OLFM1: variants seen among roughly 807,000 people sequenced by gnomAD.
The protein encoded by OLFM1 is olfactomedin 1.
OLFM1 carries 9 observed loss-of-function variants against 49.7 expected under a neutral mutation model. The ratio of observed to expected loss-of-function variants is 0.18; its 90% CI spans 0.11 to 0.32. The LOEUF (loss-of-function observed/expected upper bound fraction) is 0.32. Ranked by LOEUF, OLFM1 falls within the 10% of genes least tolerant of loss-of-function variation. The pLI is 1.00. For missense variants in OLFM1, 369 were observed against 661.8 expected, an observed-to-expected ratio of 0.56 and a Z score of 4.85; for synonymous variants, 240 against 271.8, an observed-to-expected ratio of 0.88 and a Z score of 1.15.
At position 135,095,891 on chromosome 9, in the gene OLFM1, G is replaced by A. The variant is rs751893069; in HGVS notation, c.328G>A (p.Val110Ile). ...GCAGAACATGTCTCAATCCATAGAG[G>A]TCTTGGACAGGCGGACCCAGAGAGA... ...KVQNMSQSIEVLDRRTQRDLQ... is the reference protein window; with the variant it reads ...KVQNMSQSIEILDRRTQRDLQ... Residue 110 changes from valine to isoleucine, a missense_variant, in exon 3 of 6, where the codon GTC becomes ATC. This residue lies in a region of OLFM1 where 294 missense variants were observed against 567.5 expected (regional missense o/e 0.52). Coordinates refer to ENST00000371793, the MANE Select transcript of OLFM1 (RefSeq NM_001282611.2). The A allele has an allele frequency of 6.2e-7, 1 of 1,613,140 alleles. No individual in the cohort carries two copies. The highest frequency in any genetic ancestry group is 8.5e-7 in the Non-Finnish European group (1 of 1,179,548).
Position 135,088,019 on chromosome 9 carries a change from C to T in OLFM1, c.30C>T (p.Val10=). The change falls in exon 1 of 6, where the codon GTC becomes GTT. Residue 10 remains valine (V), a synonymous_variant. Transcript: ENST00000371793. The surrounding 1 kb of genome is among the most constrained non-coding windows in gnomAD (Gnocchi z 4.8). MSVPLLKIG[V]VLSTMAMITN... The stretch of plus-strand genomic sequence containing the variant: ...CGGTGCCGCTGCTCAAGATCGGGGT[C>T]GTGCTGAGCACCATGGCCATGATCA... 1.4e-6 allele frequency: 2 copies of T among 1,457,274 alleles called. No homozygotes were observed. Among genetic ancestry groups the T allele is most frequent in the Non-Finnish European group, 1.8e-6 (2 of 1,095,746 alleles). 90.3% of individuals were successfully genotyped at this position (1,457,274 alleles called of 1,614,324 possible). A position where few individuals can be genotyped will look rare whatever the true frequency, so the allele number is the denominator to read the frequency against.
intron 4 of OLFM1, among the ~76,000 whole-genome samples, chr9:135,101,874 G>T (rs1830875450): frequency 6.6e-6 from 1 of 152,240 alleles, no homozygotes; most frequent in Admixed American, 6.5e-5. Context: ...TGAGGGGTGA[G>T]GGGGCCAGCT....
chr9:135,079,927 G>A (rs1328458221), intron 1 of OLFM1, among the ~76,000 whole-genome samples: 1 of 152,084 alleles, frequency 6.6e-6, no homozygotes, highest in East Asian at 1.9e-4. Flanking sequence ...CTGGGTCTCG[G>A]AGTTGGGCCA....
At chr9:135,099,650 C>G (rs1830844590) in intron 4 of OLFM1, among the ~76,000 whole-genome samples, 1 of 152,232 alleles carries the variant, frequency 6.6e-6, no homozygotes, top group Admixed American at 6.5e-5. Context: ...AGTCCCGAAA[C>G]AGAGACAATA....
chr9:135,114,657 T>C (rs1831071885), intron 5 of OLFM1, among the ~76,000 whole-genome samples: 1 of 127,020 alleles, frequency 7.9e-6, no homozygotes. Context: ...TTGGTAGGTC[T>C]GGGACTGAAG....
At chr9:135,092,995 T>C (rs1317774592) in intron 2 of OLFM1, among the ~76,000 whole-genome samples, 3 of 152,160 alleles carry the variant, frequency 2.0e-5, no homozygotes, top group African/African-American at 7.2e-5. Flanking sequence ...CAGGACAGGG[T>C]GCTCCAGAAA....
chr9:135,096,037 C>G lies in OLFM1; in HGVS notation c.456+18C>G. On this transcript the variant is annotated intron_variant, in intron 3 of 5. Transcript: ENST00000371793. ...AGTTTAAGGTATGCATGTTCCTCCCCCTCTCCCTCCCCTTATCCTCCTCCT... is the reference window on the plus strand; with the variant it reads ...AGTTTAAGGTATGCATGTTCCTCCCGCTCTCCCTCCCCTTATCCTCCTCCT... 6.2e-7 allele frequency: 1 copy of G among 1,607,252 alleles called. No individual in the cohort carries two copies. The highest frequency in any genetic ancestry group is 8.5e-7 in the Non-Finnish European group (1 of 1,176,812).
chr9:135,079,519 C>T (rs1343435450), intron 1 of OLFM1, among the ~76,000 whole-genome samples: 2 of 152,120 alleles, frequency 1.3e-5, no homozygotes, highest in African/African-American at 4.8e-5. Flanking sequence ...GGAGGAGAAT[C>T]ACTTGAACCC....
At position 135,120,486 on chromosome 9, in the gene OLFM1, C is replaced by A; in HGVS notation, c.*308C>A. On this transcript the variant is annotated 3_prime_UTR_variant, in exon 6 of 6. Transcript: ENST00000371793. ...AAGAGGCGAGGCAATGACTGTTGGC[C>A]AGTTCTCACCGGGGAAAAACCCACT... The A allele has an allele frequency of 2.7e-6, 1 of 374,726 alleles. No individual in the cohort carries two copies. The allele number at this position is 374,726 out of a possible 1,614,324, so 23.2% of individuals were successfully genotyped here. A position where few individuals can be genotyped will look rare whatever the true frequency, so the allele number is the denominator to read the frequency against.
At chr9:135,091,645 T>TCACACACACTCA (rs747119783) in intron 2 of OLFM1, among the ~76,000 whole-genome samples, 120 of 5,332 alleles carry the variant, frequency 0.023, 4 homozygotes, top group African/African-American at 0.11. Context: ...TCACACACAC[T>TCACACACACTCA]CACATAGTCA....
chr9:135,076,799 CCAT>C, intron 1 of OLFM1: 2 of 1,528,760 alleles, frequency 1.3e-6, no homozygotes. Flanking sequence ...CTCCCTTCCT[CCAT>C]CTCCCTCAGA....
intron 1 of OLFM1, chr9:135,076,940 C>G (rs1330532761): frequency 1.9e-6 from 3 of 1,550,504 alleles, no homozygotes; most frequent in African/African-American, 2.7e-5. Flanking sequence ...TGGCTCTGCC[C>G]AGGATGTGCA....
chr9:135,086,953 C>A (rs997200552), upstream of OLFM1, among the ~76,000 whole-genome samples: 2 of 152,220 alleles, frequency 1.3e-5, no homozygotes, highest in African/African-American at 4.8e-5. Flanking sequence ...AGGCCTGAGC[C>A]CCAGACCTTA....
At chr9:135,110,187 G>C (rs1831002736) in intron 5 of OLFM1, among the ~76,000 whole-genome samples, 1 of 152,186 alleles carries the variant, frequency 6.6e-6, no homozygotes, top group African/African-American at 2.4e-5. Flanking sequence ...GCCCTGCCAG[G>C]CTGTGTTCCC....
In OLFM1 at chr9:135,088,276, C is replaced by T. The variant is rs943050902; in HGVS notation, c.150+137C>T. ...GGGAGGCGGCGGGGAGCAGGGCGGGCAAGGGCAGGCGTCGCGGGCCGGCGC... is the reference window on the plus strand; with the variant it reads ...GGGAGGCGGCGGGGAGCAGGGCGGGTAAGGGCAGGCGTCGCGGGCCGGCGC... On this transcript the variant is annotated intron_variant, in intron 1 of 5. Coordinates refer to ENST00000371793, the MANE Select transcript of OLFM1 (RefSeq NM_001282611.2). The surrounding 1 kb of genome is among the most constrained non-coding windows in gnomAD (Gnocchi z 4.8). The T allele has an allele frequency of 1.2e-4, 93 of 799,886 alleles. No individual in the cohort carries two copies. The Admixed American group carries it at 2.3e-3, about 20-fold the overall frequency. The allele number at this position is 799,886 out of a possible 1,614,324, so 49.5% of individuals were successfully genotyped here. A position where few individuals can be genotyped will look rare whatever the true frequency, so the allele number is the denominator to read the frequency against.
At chr9:135,104,352 G>C (rs1830910007) in intron 4 of OLFM1, among the ~76,000 whole-genome samples, 1 of 152,350 alleles carries the variant, frequency 6.6e-6, no homozygotes, top group East Asian at 1.9e-4. Flanking sequence ...CTGACTTGCT[G>C]CCTCTGGCCT....
rs1004773581 is a variant in OLFM1, at chr9:135,077,190, A to G, written c.96+1388A>G. 2.0e-6 allele frequency: 3 copies of G among 1,536,346 alleles called. No homozygotes were observed. In the African/African-American group the frequency reaches 4.1e-5, roughly 21 times the overall value. On this transcript the variant is annotated intron_variant, in intron 1 of 5. Transcript: ENST00000252854. ...CACATGCACACACAGGGGAGCAGAT[A>G]CCTGCAGAGAAGAGCCAACCAGGTC...
chr9:135,082,220 G>C (rs2078107022), intron 1 of OLFM1, among the ~76,000 whole-genome samples: 1 of 152,132 alleles, frequency 6.6e-6, no homozygotes, highest in Non-Finnish European at 1.5e-5. Flanking sequence ...AGTGTAAGGG[G>C]GAGATGGGAA....
At chr9:135,110,313 C>T (rs929501257) in intron 5 of OLFM1, among the ~76,000 whole-genome samples, 14 of 152,168 alleles carry the variant, frequency 9.2e-5, no homozygotes, top group Admixed American at 2.0e-4. Flanking sequence ...CTTTCTGACC[C>T]GCTTCCTATA....
Sources: allele counts gnomAD v4.1 joint callset (sites outside exome capture counted in the v4.1 genomes callset), GRCh38; gene constraint gnomAD v4.1.1; regional missense constraint gnomAD v4.1.1; non-coding constraint Gnocchi (gnomAD v3.1); transcripts MANE v1.5; gene names NCBI Gene and HGNC (gene_info 2026-07-23, HGNC 2026-07-21).